GPC6: variants seen among roughly 807,000 people sequenced by gnomAD.
GPC6 encodes the protein glypican 6, also known as glypican-6.
In GPC6, 14 loss-of-function variants were observed where a neutral mutation model predicts 55.2. The observed-to-expected ratio is 0.25, with a 90% confidence interval of 0.17 to 0.40. GPC6 has a LOEUF of 0.40. Ranked by LOEUF, GPC6 falls within the 10% of genes least tolerant of loss-of-function variation. The pLI is 1.00. For missense variants in GPC6, 641 were observed against 708.5 expected (o/e 0.90, Z 1.08); for synonymous variants, 278 against 259.6 (o/e 1.07, Z -0.68).
chr13:93,469,585 G>T (rs1237959820), intron 1 of GPC6, among the ~76,000 whole-genome samples: 1 of 152,090 alleles, frequency 6.6e-6, no homozygotes, highest in East Asian at 1.9e-4. Context: ...GACCATGGTT[G>T]CAATGAAAGA....
intron 6 of GPC6, among the ~76,000 whole-genome samples, chr13:94,314,894 G>A (rs1052564925): frequency 1.3e-5 from 2 of 152,012 alleles, no homozygotes; most frequent in African/African-American, 2.4e-5. Flanking sequence ...TAACATACTC[G>A]GACACTCTTT....
rs548406802 is a variant in GPC6 at position 93,726,908 on chromosome 13, C to T, written c.320-103246C>T. 3.9e-5 allele frequency among the ~76,000 whole-genome samples: 6 copies of T among 152,108 alleles called. No homozygotes were observed. The South Asian group carries it at 1.2e-3, about 32-fold the overall frequency. On this transcript the variant is annotated intron_variant, in intron 2 of 8. Coordinates refer to ENST00000377047, the MANE Select transcript of GPC6 (RefSeq NM_005708.5). Reference sequence around the variant, plus strand: ...AAGGGATGCCCAAATGGACTTGCTCCCTGAAATTATTTTCTTGCAGGATAA... The same window carrying T: ...AAGGGATGCCCAAATGGACTTGCTCTCTGAAATTATTTTCTTGCAGGATAA...
At chr13:94,018,409 C>T (rs1040308094) in intron 3 of GPC6, among the ~76,000 whole-genome samples, 16 of 152,088 alleles carry the variant, frequency 1.1e-4, no homozygotes, top group African/African-American at 3.6e-4. Flanking sequence ...CCTGCCTCAG[C>T]CTCCCGAGTA....
intron 1 of GPC6, among the ~76,000 whole-genome samples, chr13:93,467,575 CTTTTTTTTT>C (rs11426472): frequency 4.1e-5 from 3 of 74,020 alleles, no homozygotes; most frequent in Non-Finnish European, 7.2e-5. Flanking sequence ...AGCTGTGATT[CTTTTTTTTT>C]TTTTTTTTTT....
chr13:94,355,378 T>G (rs1878746495), intron 6 of GPC6, among the ~76,000 whole-genome samples: 1 of 151,890 alleles, frequency 6.6e-6, no homozygotes, highest in African/African-American at 2.4e-5. Context: ...TGTTCCACCC[T>G]CTCAGTCTTC....
chr13:94,359,660 A>C (rs1878963613), intron 6 of GPC6, among the ~76,000 whole-genome samples: 1 of 149,214 alleles, frequency 6.7e-6, no homozygotes, highest in African/African-American at 2.6e-5. Context: ...TTTTGCTGAG[A>C]CCTTTTTTTT....
chr13:94,158,380 T>TA (rs56292041), intron 4 of GPC6, among the ~76,000 whole-genome samples: 103,604 of 146,752 alleles, frequency 0.71, 36,991 homozygotes, highest in East Asian at 0.92. Context: ...GATGATGCTT[T>TA]AAAAAAAAAA....
At chr13:93,395,749 T>A (rs1267813376) in intron 1 of GPC6, 1 of 153,064 alleles carries the variant, frequency 6.5e-6, no homozygotes, top group Non-Finnish European at 1.5e-5. Flanking sequence ...CTCCTGAATG[T>A]CTCATTGGTT....
chr13:93,799,704 T>C (rs1178382748), intron 2 of GPC6, among the ~76,000 whole-genome samples: 1 of 152,172 alleles, frequency 6.6e-6, no homozygotes, highest in Non-Finnish European at 1.5e-5. Flanking sequence ...ATGCCTATGA[T>C]TAAGTGTTTA....
At chr13:93,248,022 G>A (rs1053863882) in intron 1 of GPC6, among the ~76,000 whole-genome samples, 2 of 152,104 alleles carry the variant, frequency 1.3e-5, no homozygotes, top group Non-Finnish European at 2.9e-5. Flanking sequence ...TCAGTTACTC[G>A]GCCTGGGCTA....
chr13:94,385,239 C>CA (rs35550666), intron 7 of GPC6, among the ~76,000 whole-genome samples: 2,562 of 125,926 alleles, frequency 0.02, 56 homozygotes, highest in African/African-American at 0.062. Flanking sequence ...GACTCCATCT[C>CA]AAAAAAAAAA....
At chr13:94,049,423 T>A (rs760146037) in intron 4 of GPC6, among the ~76,000 whole-genome samples, 2 of 152,094 alleles carry the variant, frequency 1.3e-5, no homozygotes, top group Non-Finnish European at 2.9e-5. Flanking sequence ...GAAGATACAC[T>A]GTGGTAATAA....
At chr13:93,484,001 T>G (rs1879610153) in intron 1 of GPC6, among the ~76,000 whole-genome samples, 1 of 152,302 alleles carries the variant, frequency 6.6e-6, no homozygotes, top group Non-Finnish European at 1.5e-5. Context: ...TTAACTATTT[T>G]CCTTGTTTAG....
intron 4 of GPC6, among the ~76,000 whole-genome samples, chr13:94,112,336 A>G (rs1886275783): frequency 1.3e-5 from 2 of 152,208 alleles, no homozygotes; most frequent in Non-Finnish European, 2.9e-5. Flanking sequence ...TCAAATTCTT[A>G]ACAATCTACC....
In GPC6 at chr13:94,214,116, T is replaced by A. The variant is rs187491015; in HGVS notation, c.878-72233T>A. On this transcript the variant is annotated intron_variant, in intron 4 of 8. Transcript: ENST00000377047. ...GTTATCTAACTGTGAATAAAGATAA[T>A]CCTGCAGTAATAATTTCATATTTGA... Among the ~76,000 whole-genome samples, 7 of 152,326 alleles carry A rather than the reference T, an allele frequency of 4.6e-5. No homozygotes were observed. In the East Asian group the frequency reaches 1.2e-3, roughly 25 times the overall value.
At chr13:93,716,515 G>A (rs1445126020) in intron 2 of GPC6, among the ~76,000 whole-genome samples, 2 of 151,312 alleles carry the variant, frequency 1.3e-5, no homozygotes, top group South Asian at 2.1e-4. Flanking sequence ...TAAAAAAAAA[G>A]GAAATAGAAA....
chr13:94,123,802 C>A (rs1390398786), intron 4 of GPC6, among the ~76,000 whole-genome samples: 1 of 151,956 alleles, frequency 6.6e-6, no homozygotes, highest in Non-Finnish European at 1.5e-5. Flanking sequence ...CAAAGGTCAG[C>A]TTTGCAGTCA....
intron 3 of GPC6, among the ~76,000 whole-genome samples, chr13:93,913,809 G>T (rs923246171): frequency 1.3e-5 from 2 of 152,140 alleles, no homozygotes; most frequent in Non-Finnish European, 2.9e-5. Context: ...TCATTTTGAA[G>T]CTTCAAGATG....
intron 4 of GPC6, among the ~76,000 whole-genome samples, chr13:94,127,601 A>C (rs996842948): frequency 2.0e-5 from 3 of 152,140 alleles, no homozygotes; most frequent in African/African-American, 4.8e-5. Context: ...ACTACCTAAT[A>C]CAGTGGTAAA....
Sources: gnomAD v4.1 joint callset for allele counts (sites outside exome capture counted in the v4.1 genomes callset) on GRCh38, gnomAD v4.1.1 for gene constraint, MANE v1.5 for transcripts, NCBI Gene and HGNC (gene_info 2026-07-23, HGNC 2026-07-21) for gene names.